Variants in LY6H observed in about 807,000 individuals in gnomAD.
The protein encoded by LY6H is lymphocyte antigen 6H.
In LY6H, 8 loss-of-function variants were observed where a neutral mutation model predicts 14.6. That is an observed-to-expected ratio of 0.55 (90% CI 0.32 to 0.99). The LOEUF (loss-of-function observed/expected upper bound fraction) is 0.99, where lower values mean the gene tolerates loss of function less well. LY6H is among the 50% of genes least tolerant of loss of function. The pLI, the probability that LY6H is intolerant of heterozygous loss-of-function variation, is 0.04. For missense variants in LY6H, 196 were observed against 219.6 expected, an observed-to-expected ratio of 0.89 and a Z score of 0.68; for synonymous variants, 115 against 97.2, an observed-to-expected ratio of 1.18 and a Z score of -1.08.
In LY6H at chr8:143,160,213, G is replaced by C. The variant is rs763314549; in HGVS notation, c.-14C>G. ...GCTCACTCACATCCCGGGGGTGTCC[G>C]CACTCCGGGCTCGGGCGGCGTGCGC... is the stretch of plus-strand genomic sequence containing the variant. On this transcript the variant is annotated 5_prime_UTR_variant, in exon 1 of 4. Transcript: ENST00000342752. The C allele has an allele frequency of 2.3e-6, 3 of 1,283,162 alleles. No individual in the cohort carries two copies. In the African/African-American group the frequency reaches 4.6e-5, roughly 19 times the overall value. The allele number at this position is 1,283,162 out of a possible 1,614,324, so 79.5% of individuals were successfully genotyped here.
rs777481178 is a variant in LY6H, at chr8:143,157,945, G to A, written c.*305C>T. The A allele has an allele frequency of 8.0e-5, 32 of 402,404 alleles. No homozygotes were observed. Among genetic ancestry groups the A allele is most frequent in the African/African-American group, 2.5e-4 (12 of 48,652 alleles). 24.9% of individuals were successfully genotyped at this position (402,404 alleles called of 1,614,324 possible). A position where few individuals can be genotyped will look rare whatever the true frequency, so the allele number is the denominator to read the frequency against. ...GACTCAAAAGTGACTTTATTTCTCC[G>A]CAGAAGACGCCCTTCCAGCTGGGCT... On this transcript the variant is annotated 3_prime_UTR_variant, in exon 4 of 4. Transcript: ENST00000342752.
At chr8:143,158,963 G>A (rs771443474) in intron 2 of LY6H, 41 bp from the exon 3 acceptor site, 2 of 1,605,628 alleles carry the variant, frequency 1.2e-6, no homozygotes, top group Non-Finnish European at 1.7e-6. Context: ...GAGGCACTGG[G>A]GTCCAAACCA....
intron 1 of LY6H, 83 bp from the exon 2 acceptor site, chr8:143,159,792 C>A: frequency 7.8e-7 from 1 of 1,282,910 alleles, no homozygotes; most frequent in Non-Finnish European, 9.9e-7. Flanking sequence ...CCCCGGAATC[C>A]AAGGCCGGGG....
At position 143,158,206 on chromosome 8, in the gene LY6H, G is replaced by T; in HGVS notation, c.*44C>A. 1 of 1,450,304 alleles carries T rather than the reference G, an allele frequency of 6.9e-7. No individual in the cohort carries two copies. The highest frequency in any genetic ancestry group is 9.5e-7 in the Non-Finnish European group (1 of 1,053,620). 89.8% of individuals were successfully genotyped at this position (1,450,304 alleles called of 1,614,324 possible). On this transcript the variant is annotated 3_prime_UTR_variant, in exon 4 of 4. Coordinates refer to ENST00000342752, the MANE Select transcript of LY6H (RefSeq NM_001135655.2). Reference sequence around the variant, plus strand: ...CAGGCTGGGGAGAGGGCAGCCACAGGCTCAGGGGAGCAAGCTCAGAAGCCC... The same window carrying T: ...CAGGCTGGGGAGAGGGCAGCCACAGTCTCAGGGGAGCAAGCTCAGAAGCCC...
chr8:143,159,056 C>CATG (rs749162991), intron 2 of LY6H, 134 bp from the exon 3 acceptor site: 82 of 1,277,996 alleles, frequency 6.4e-5, no homozygotes, highest in Non-Finnish European at 7.5e-5. Context: ...AGCAGGCCCC[C>CATG]ATGACCCCTG....
intron 1 of LY6H, 54 bp downstream of exon 1, chr8:143,160,144 C>G (rs1345029143): frequency 2.4e-6 from 3 of 1,255,684 alleles, no homozygotes; most frequent in East Asian, 6.0e-5. Context: ...CGCCTCGGCG[C>G]TCACCGCGGA....
chr8:143,158,807 G>T lies in LY6H; in HGVS notation c.246C>A (p.Ser82Arg). 1.3e-6 allele frequency: 2 copies of T among 1,587,216 alleles called. No homozygotes were observed. Among genetic ancestry groups the T allele is most frequent in the Non-Finnish European group, 1.7e-6 (2 of 1,162,088 alleles). The stretch of plus-strand genomic sequence containing the variant: ...CCACCCTAAGTCCCAACTTACTGCT[G>T]CTGGGATCGGTGATTCGGACACTGG... ...VCASVRITDP[S>R]SSRKDHSVNK... The change falls in exon 3 of 4, where the codon AGC becomes AGA. Residue 82 changes from serine (S) to arginine (R), a missense_variant. By Grantham distance (110) the Ser-to-Arg change is moderately radical. Transcript: ENST00000342752.
chr8:143,159,653 C>A lies in LY6H; in HGVS notation c.59G>T (p.Arg20Leu), dbSNP rs1194350120. ...CTTCATGGCTGCAGGCAGCATGCTC[C>A]GGGTGGGCCTGGGGGCGGCGCGGGG... The part of the protein sequence containing the change: ...PSPRAAPRPT[R>L]SMLPAAMKGL... Residue 20 changes from arginine (R) to leucine (L), a missense_variant, in exon 2 of 4, where the codon CGG becomes CTG. Arg to Leu is a moderately radical substitution (Grantham distance 102). Transcript: ENST00000342752. 7.0e-7 allele frequency: 1 copy of A among 1,427,066 alleles called. No individual in the cohort carries two copies. Among genetic ancestry groups the A allele is most frequent in the South Asian group, 1.5e-5 (1 of 68,096 alleles). 88.4% of individuals were successfully genotyped at this position (1,427,066 alleles called of 1,614,324 possible). A position where few individuals can be genotyped will look rare whatever the true frequency, so the allele number is the denominator to read the frequency against.
At chr8:143,158,758 G>T in intron 3 of LY6H, 45 bp downstream of exon 3, 1 of 1,552,670 alleles carries the variant, frequency 6.4e-7, no homozygotes. Flanking sequence ...TCTCTCAAGA[G>T]CCTGGCTTTT....
At chr8:143,159,853 C>T (rs1815554629) in intron 1 of LY6H, 144 bp from the exon 2 acceptor site, 2 of 1,145,438 alleles carry the variant, frequency 1.7e-6, no homozygotes, top group Non-Finnish European at 2.2e-6. Context: ...CCAGAGCGTC[C>T]GCCGTCACAG....
At chr8:143,160,063 TC>T in intron 1 of LY6H, 134 bp downstream of exon 1, 1 of 885,564 alleles carries the variant, frequency 1.1e-6, no homozygotes, top group Non-Finnish European at 1.5e-6. Context: ...GCGTGCCAGG[TC>T]CCCACCCCCA....
chr8:143,158,358 G>C lies in LY6H; in HGVS notation c.378C>G (p.Cys126Trp). 6.2e-7 allele frequency: 1 copy of C among 1,613,728 alleles called. No individual in the cohort carries two copies. The highest frequency in any genetic ancestry group is 8.5e-7 in the Non-Finnish European group (1 of 1,179,830). ...CCGCCCCATTGCACAAATCCTTCTC[G>C]CAGCAGTCCACGTCGACCTTTAAGA... is the stretch of plus-strand genomic sequence containing the variant. ...SGILKVDVDC[C>W]EKDLCNGAAG... The change falls in exon 4 of 4, where the codon TGC becomes TGG. Residue 126 changes from cysteine (C) to tryptophan (W), a missense_variant. Coordinates refer to ENST00000342752, the MANE Select transcript of LY6H (RefSeq NM_001135655.2).
chr8:143,158,867 G>C lies in LY6H; in HGVS notation c.186C>G (p.Thr62=). The change falls in exon 3 of 4, where the codon ACC becomes ACG. Residue 62 remains threonine, a synonymous_variant. Transcript: ENST00000342752. ...TGTCGGACGGCTGGCACTGCTTTGG[G>C]GTGCAATGGCTGGAGTTGGTGGTCA... ...CTLTTNSSHC[T]PKQCQPSDTV... 6.2e-7 allele frequency: 1 copy of C among 1,612,540 alleles called. No individual in the cohort carries two copies. Among genetic ancestry groups the C allele is most frequent in the Non-Finnish European group, 8.5e-7 (1 of 1,178,884 alleles).
intron 3 of LY6H, 21 bp downstream of exon 3, chr8:143,158,782 C>A: frequency 2.6e-6 from 4 of 1,564,768 alleles, no homozygotes; most frequent in Non-Finnish European, 3.5e-6. Flanking sequence ...ACATTCCCCA[C>A]CACCCTAAGT....
At chr8:143,159,337 A>G (rs952047887) in intron 2 of LY6H, 16 of 545,510 alleles carry the variant, frequency 2.9e-5, no homozygotes, top group South Asian at 1.0e-4. Context: ...CGGATGACCA[A>G]GGGCTTCCGT....
At chr8:143,159,169 C>G in intron 2 of LY6H, 1 of 604,926 alleles carries the variant, frequency 1.7e-6, no homozygotes, top group Non-Finnish European at 3.0e-6. Context: ...TGCACACACA[C>G]ACACAAACAC....
chr8:143,159,802 G>T, intron 1 of LY6H, 93 bp from the exon 2 acceptor site: 2 of 1,275,876 alleles, frequency 1.6e-6, no homozygotes, highest in Non-Finnish European at 2.0e-6. Flanking sequence ...CAAGGCCGGG[G>T]TCCGCCCGGA....
intron 3 of LY6H, 139 bp downstream of exon 3, chr8:143,158,664 G>T (rs1427246178): frequency 2.4e-6 from 3 of 1,267,578 alleles, no homozygotes. Context: ...GAGCCAGGGG[G>T]GGACAGCAGG....
upstream of LY6H, chr8:143,160,364 C>T: frequency 6.0e-6 from 2 of 336,080 alleles, no homozygotes; most frequent in Non-Finnish European, 9.6e-6. Flanking sequence ...GGGCGGGGGC[C>T]GCGCGGGGGG....
Sources: gnomAD v4.1 joint callset for allele counts on GRCh38, gnomAD v4.1.1 for gene constraint, MANE v1.5 for transcripts, NCBI Gene and HGNC (gene_info 2026-07-23, HGNC 2026-07-21) for gene names.